The following BNC2 variants were observed in gnomAD, a reference collection of about 807,000 sequenced individuals.
The protein encoded by BNC2 is basonuclin zinc finger protein 2.
BNC2 carries 20 observed loss-of-function variants against 76.3 expected under a neutral mutation model. The ratio of observed to expected loss-of-function variants is 0.26; its 90% CI spans 0.18 to 0.38. BNC2 has a LOEUF of 0.38. BNC2 is among the 10% of genes least tolerant of loss of function. The pLI, the probability that BNC2 is intolerant of heterozygous loss-of-function variation, is 1.00. For missense variants in BNC2, 1,382 were observed against 1,399.8 expected (o/e 0.99, Z 0.20); for synonymous variants, 582 against 514.8 (o/e 1.13, Z -1.77).
At chr9:16,673,265 T>G (rs1262396012) in intron 3 of BNC2, among the ~76,000 whole-genome samples, 1 of 152,148 alleles carries the variant, frequency 6.6e-6, no homozygotes. Flanking sequence ...TTCTCTTTAT[T>G]TGAGACCCAG....
intron 5 of BNC2, among the ~76,000 whole-genome samples, chr9:16,509,293 T>C (rs375303315): frequency 1.3e-5 from 2 of 152,214 alleles, no homozygotes; most frequent in African/African-American, 4.8e-5. Flanking sequence ...AATTCTAACA[T>C]ATACATTTCT....
intron 1 of BNC2, among the ~76,000 whole-genome samples, chr9:16,751,704 A>ATG: frequency 1.0e-5 from 1 of 96,832 alleles, no homozygotes; most frequent in Non-Finnish European, 1.8e-5. Context: ...ATATATATAT[A>ATG]TATGTATGTA....
intron 3 of BNC2, among the ~76,000 whole-genome samples, chr9:16,650,360 G>A (rs1396449894): frequency 6.6e-6 from 1 of 151,938 alleles, no homozygotes; most frequent in African/African-American, 2.4e-5. Context: ...AACTGGTTAG[G>A]GCATCACTGA....
intron 1 of BNC2, among the ~76,000 whole-genome samples, chr9:16,870,188 T>G (rs1377617603): frequency 3.3e-5 from 5 of 151,146 alleles, no homozygotes; most frequent in African/African-American, 1.2e-4. Context: ...CGCCGGTCCC[T>G]CACTCGGCGG....
rs574939405 is a variant in BNC2, at chr9:16,832,277, G to T, written c.3+38369C>A. 5 of 1,284,456 alleles carry T rather than the reference G, an allele frequency of 3.9e-6. No individual in the cohort carries two copies. The Admixed American group carries it at 9.4e-5, about 24-fold the overall frequency. The allele number at this position is 1,284,456 out of a possible 1,614,324, so 79.6% of individuals were successfully genotyped here. Reference sequence around the variant, plus strand: ...GAGAAAATCTAGAAGGTTCTTTGACGTCATCAGTCATGTGTCATGTTATCA... The same window carrying T: ...GAGAAAATCTAGAAGGTTCTTTGACTTCATCAGTCATGTGTCATGTTATCA... On this transcript the variant is annotated intron_variant, in intron 1 of 6. Transcript: ENST00000380672.
At chr9:16,437,949 A>C (rs974952395) in intron 5 of BNC2, among the ~76,000 whole-genome samples, 1 of 152,230 alleles carries the variant, frequency 6.6e-6, no homozygotes, top group Admixed American at 6.5e-5. Context: ...TACTATAGGA[A>C]GGAATTAAGT....
chr9:16,745,525 A>G (rs1824975417), intron 1 of BNC2, among the ~76,000 whole-genome samples: 1 of 152,272 alleles, frequency 6.6e-6, no homozygotes, highest in Non-Finnish European at 1.5e-5. Flanking sequence ...ACGTACTTTC[A>G]TTTTATACCC....
chr9:16,537,269 G>A (rs912639515), intron 5 of BNC2, among the ~76,000 whole-genome samples: 1 of 152,084 alleles, frequency 6.6e-6, no homozygotes. Context: ...CACTGTAAAA[G>A]TCTGGTGTTA....
intron 5 of BNC2, among the ~76,000 whole-genome samples, chr9:16,463,259 A>G (rs1461647078): frequency 1.3e-5 from 2 of 152,062 alleles, no homozygotes; most frequent in Non-Finnish European, 2.9e-5. Flanking sequence ...GACTATGCTG[A>G]AAATTTGCCA....
intron 3 of BNC2, among the ~76,000 whole-genome samples, chr9:16,615,841 T>C (rs1225745464): frequency 2.0e-5 from 3 of 152,220 alleles, no homozygotes; most frequent in Non-Finnish European, 1.5e-5. Context: ...CATGAATTAA[T>C]TTAATTTTCA....
intron 5 of BNC2, among the ~76,000 whole-genome samples, chr9:16,467,964 T>A (rs1173249701): frequency 6.6e-6 from 1 of 151,962 alleles, no homozygotes; most frequent in Non-Finnish European, 1.5e-5. Flanking sequence ...TATCACTTCT[T>A]CCAATTCTAT....
intron 5 of BNC2, among the ~76,000 whole-genome samples, chr9:16,494,984 T>C (rs572473177): frequency 6.6e-6 from 1 of 152,194 alleles, no homozygotes; most frequent in African/African-American, 2.4e-5. Context: ...TATAATAAAA[T>C]AAAATAAAAG....
intron 1 of BNC2, among the ~76,000 whole-genome samples, chr9:16,844,122 A>C (rs1179336659): frequency 1.3e-5 from 2 of 151,588 alleles, no homozygotes; most frequent in African/African-American, 4.8e-5. Context: ...AAATCTTATA[A>C]GAGTTTAGCA....
At chr9:16,714,935 A>G (rs375503163) in intron 3 of BNC2, among the ~76,000 whole-genome samples, 1 of 152,222 alleles carries the variant, frequency 6.6e-6, no homozygotes, top group African/African-American at 2.4e-5. Flanking sequence ...CTCATCTTAT[A>G]CAATATAAAT....
intron 4 of BNC2, among the ~76,000 whole-genome samples, chr9:16,561,875 G>A (rs776332013): frequency 2.0e-5 from 3 of 152,006 alleles, no homozygotes; most frequent in East Asian, 1.9e-4. Flanking sequence ...ATGGTGGCAC[G>A]TGCCTGTAGT....
At chr9:16,669,498 G>A (rs1316913361) in intron 3 of BNC2, among the ~76,000 whole-genome samples, 2 of 152,142 alleles carry the variant, frequency 1.3e-5, no homozygotes, top group Non-Finnish European at 2.9e-5. Context: ...CAAATGAGAT[G>A]CACATCTCAC....
intron 3 of BNC2, among the ~76,000 whole-genome samples, chr9:16,649,061 A>G (rs191608863): frequency 3.3e-3 from 506 of 152,338 alleles, no homozygotes; most frequent in Non-Finnish European, 5.5e-3. Context: ...AAGTGTGTGA[A>G]TGCATATATC....
chr9:16,678,997 G>C (rs1259893944), intron 3 of BNC2, among the ~76,000 whole-genome samples: 2 of 152,062 alleles, frequency 1.3e-5, no homozygotes, highest in Admixed American at 6.6e-5. Flanking sequence ...AACATGGATG[G>C]GCCCAAAGTG....
At chr9:16,736,378 A>T (rs1277829437) in intron 2 of BNC2, among the ~76,000 whole-genome samples, 1 of 151,910 alleles carries the variant, frequency 6.6e-6, no homozygotes, top group African/African-American at 2.4e-5. Flanking sequence ...AACCTAACAA[A>T]TAAACTTAAA....
Sources: gnomAD v4.1 joint callset for allele counts (sites outside exome capture counted in the v4.1 genomes callset) on GRCh38, gnomAD v4.1.1 for gene constraint, MANE v1.5 for transcripts, NCBI Gene and HGNC (gene_info 2026-07-23, HGNC 2026-07-21) for gene names.